BCAS3: variants seen among roughly 807,000 people sequenced by gnomAD.
BCAS3 encodes BCAS3 microtubule associated cell migration factor, also known as BCAS4/BCAS3 fusion.
BCAS3 carries 53 observed loss-of-function variants against 116.1 expected under a neutral mutation model. The observed-to-expected ratio is 0.46, with a 90% confidence interval of 0.37 to 0.57. The LOEUF is 0.57. BCAS3 is among the 20% of genes least tolerant of loss of function. The pLI, the probability that BCAS3 is intolerant of heterozygous loss-of-function variation, is 0.00. For missense variants in BCAS3, 917 were observed against 1,165.4 expected, an observed-to-expected ratio of 0.79 and a Z score of 3.10; for synonymous variants, 391 against 408.2, an observed-to-expected ratio of 0.96 and a Z score of 0.51.
At chr17:61,109,806 A>G (rs1461596362) in intron 22 of BCAS3, among the ~76,000 whole-genome samples, 1 of 151,984 alleles carries the variant, frequency 6.6e-6, no homozygotes, top group Non-Finnish European at 1.5e-5. Context: ...TGTTTTGCTG[A>G]TTTGTTGGAG....
chr17:60,711,112 T>C (rs192200201), intron 5 of BCAS3, among the ~76,000 whole-genome samples: 1 of 152,152 alleles, frequency 6.6e-6, no homozygotes, highest in Admixed American at 6.5e-5. Flanking sequence ...AATTCTATTC[T>C]TATAATTATC....
In BCAS3 at chr17:61,139,050, A is replaced by G. The variant is rs1016963912; in HGVS notation, c.2425+54486A>G. ...TTGCTTACATTTGTTTATTAAATCT[A>G]TTAGATCTAGAAAAAATTAGAGACA... On this transcript the variant is annotated intron_variant, in intron 22 of 23. Transcript: ENST00000407086. The surrounding 1 kb of genome is among the most constrained non-coding windows in gnomAD (Gnocchi z 4.7). Among the ~76,000 whole-genome samples, 1 of 152,192 alleles carries G rather than the reference A, an allele frequency of 6.6e-6. No homozygotes were observed. Among genetic ancestry groups the G allele is most frequent in the African/African-American group, 2.4e-5 (1 of 41,456 alleles).
At chr17:60,947,526 A>T (rs1199082250) in intron 14 of BCAS3, among the ~76,000 whole-genome samples, 174 bp downstream of exon 14, 1 of 152,228 alleles carries the variant, frequency 6.6e-6, no homozygotes, top group African/African-American at 2.4e-5. Flanking sequence ...CAGTAAATAC[A>T]TAAGCACTAG....
At chr17:61,018,193 A>G (rs1199160806) in intron 16 of BCAS3, among the ~76,000 whole-genome samples, 2 of 151,952 alleles carry the variant, frequency 1.3e-5, no homozygotes, top group Non-Finnish European at 2.9e-5. Flanking sequence ...TTGTCCCACA[A>G]TGAGTACTAG....
intron 5 of BCAS3, among the ~76,000 whole-genome samples, chr17:60,710,386 A>G (rs2037712122): frequency 6.6e-6 from 1 of 152,136 alleles, no homozygotes; most frequent in Non-Finnish European, 1.5e-5. Flanking sequence ...TCAGTAGTCT[A>G]AGAATTACTA....
chr17:60,740,357 G>A (rs1420676473), intron 5 of BCAS3, among the ~76,000 whole-genome samples: 1 of 151,770 alleles, frequency 6.6e-6, no homozygotes, highest in Admixed American at 6.6e-5. Context: ...ATTCAGCTGG[G>A]CATGGTGGTG....
chr17:61,263,494 G>T (rs2049403166), intron 22 of BCAS3, among the ~76,000 whole-genome samples: 1 of 152,240 alleles, frequency 6.6e-6, no homozygotes, highest in Non-Finnish European at 1.5e-5. Context: ...AGTCGATGCT[G>T]CCCATGCAGA....
At chr17:60,855,310 G>A (rs574292284) in intron 7 of BCAS3, among the ~76,000 whole-genome samples, 16 of 151,066 alleles carry the variant, frequency 1.1e-4, no homozygotes, top group South Asian at 2.1e-4. Context: ...CTGGTGGTTC[G>A]TGTGCTAGTT....
chr17:60,799,520 G>GTTTTTTTTTT lies in BCAS3; in HGVS notation c.404-8481_404-8480insTTTTTTTTTT, dbSNP rs200098763. ...AATATGTAAGTTTTTTGAGATTAGT[G>GTTTTTTTTTT]TTTGTTTTTTTTTTTTTTTTTTTTT... On this transcript the variant is annotated intron_variant, in intron 6 of 23. Coordinates refer to ENST00000407086, the MANE Select transcript of BCAS3 (RefSeq NM_017679.5). Among the ~76,000 whole-genome samples, 800 of 117,596 alleles carry GTTTTTTTTTT rather than the reference G, an allele frequency of 6.8e-3. 179 individuals carry two copies. Among genetic ancestry groups the GTTTTTTTTTT allele is most frequent in the African/African-American group, 0.028 (751 of 27,130 alleles). 77.1% of individuals were successfully genotyped at this position (117,596 alleles called of 152,430 possible). A position where few individuals can be genotyped will look rare whatever the true frequency, so the allele number is the denominator to read the frequency against.
At chr17:60,903,384 C>T (rs1454304032) in intron 11 of BCAS3, among the ~76,000 whole-genome samples, 4 of 152,192 alleles carry the variant, frequency 2.6e-5, no homozygotes, top group Admixed American at 1.3e-4. Flanking sequence ...TTACATGATG[C>T]GCTTCAGAAT....
chr17:61,054,964 T>G (rs2143235620), intron 19 of BCAS3, among the ~76,000 whole-genome samples: 1 of 152,374 alleles, frequency 6.6e-6, no homozygotes, highest in South Asian at 2.1e-4. Flanking sequence ...GCCTGTAGGC[T>G]ATCAGAACTC....
intron 22 of BCAS3, among the ~76,000 whole-genome samples, chr17:61,201,020 T>TA (rs926755557): frequency 7.2e-4 from 105 of 146,144 alleles, no homozygotes; most frequent in East Asian, 1.4e-3. Context: ...ATAGTATATA[T>TA]AAAAAAAAAA....
intron 7 of BCAS3, among the ~76,000 whole-genome samples, chr17:60,856,424 C>T (rs1022891584): frequency 1.3e-5 from 2 of 152,124 alleles, no homozygotes; most frequent in Admixed American, 6.5e-5. Context: ...TGTGGTGGCT[C>T]ATGCCTGTAT....
At chr17:60,812,316 A>G (rs9894387) in intron 7 of BCAS3, among the ~76,000 whole-genome samples, 35,872 of 152,104 alleles carry the variant, frequency 0.24, 7,785 homozygotes, top group African/African-American at 0.58. Context: ...ATATGTACAT[A>G]TAGGAGTTTG....
chr17:61,069,964 G>A lies in BCAS3; in HGVS notation c.2030-4956G>A, dbSNP rs757743698. ...GGCCAAGAAGGCAGTGTTGAAAGGT[G>A]TCCACAGCCACAAAAAGAAGAAGAT... On this transcript the variant is annotated intron_variant, in intron 19 of 23. Transcript: ENST00000407086. 16 of 1,577,846 alleles carry A rather than the reference G, an allele frequency of 1.0e-5. No homozygotes were observed. The African/African-American group carries it at 1.5e-4, about 15-fold the overall frequency.
intron 22 of BCAS3, among the ~76,000 whole-genome samples, chr17:61,223,639 G>A (rs1045631995): frequency 6.6e-6 from 1 of 152,144 alleles, no homozygotes; most frequent in Non-Finnish European, 1.5e-5. Context: ...CTAGCTAAAA[G>A]ATATCTTTAA....
intron 20 of BCAS3, among the ~76,000 whole-genome samples, chr17:61,076,694 C>T (rs1444714185): frequency 2.0e-5 from 3 of 152,180 alleles, no homozygotes; most frequent in African/African-American, 7.2e-5. Context: ...ATCTGGCCAT[C>T]GCCTCGGTGA....
At position 61,361,465 on chromosome 17, in the gene BCAS3, A is replaced by G. The variant is rs1393623903; in HGVS notation, c.2426-6862A>G. Among the ~76,000 whole-genome samples, 2 of 152,184 alleles carry G rather than the reference A, an allele frequency of 1.3e-5. No homozygotes were observed. The highest frequency in any genetic ancestry group is 2.9e-5 in the Non-Finnish European group (2 of 68,030). On this transcript the variant is annotated intron_variant, in intron 22 of 23. Transcript: ENST00000407086. The surrounding 1 kb of genome is among the most constrained non-coding windows in gnomAD (Gnocchi z 6.5). The stretch of plus-strand genomic sequence containing the variant: ...ATATGATACACATAATATATAACAT[A>G]ATATAATATCTGATCTATATCTATA...
At chr17:60,880,959 T>C (rs1226726767) in intron 9 of BCAS3, among the ~76,000 whole-genome samples, 1 of 151,686 alleles carries the variant, frequency 6.6e-6, no homozygotes, top group Non-Finnish European at 1.5e-5. Flanking sequence ...TTCTTTTTTT[T>C]GTTTTGTTTT....
Sources: gnomAD v4.1 joint callset for allele counts (sites outside exome capture counted in the v4.1 genomes callset) on GRCh38, gnomAD v4.1.1 for gene constraint, Gnocchi (gnomAD v3.1) non-coding constraint, MANE v1.5 for transcripts, NCBI Gene and HGNC (gene_info 2026-07-23, HGNC 2026-07-21) for gene names.